Variants in AKR1C2 observed in about 807,000 individuals in gnomAD.
AKR1C2 encodes aldo-keto reductase family 1 member C2.
A neutral mutation model predicts 39.8 loss-of-function variants in AKR1C2; 27 were observed. The observed-to-expected ratio is 0.68, with a 90% CI of 0.50 to 0.93. The LOEUF is 0.93. Ranked by LOEUF, AKR1C2 falls within the 40% of genes least tolerant of loss-of-function variation. The probability of loss-of-function intolerance (pLI) is 0.00; values close to 1 mark genes in which losing one functional copy is unlikely to be tolerated. For synonymous variants in AKR1C2, 114 were observed against 137.9 expected, an observed-to-expected ratio of 0.83 and a Z score of 1.22; for missense variants, 263 against 365.1, an observed-to-expected ratio of 0.72 and a Z score of 2.28.
intron 1 of AKR1C2, among the ~76,000 whole-genome samples, chr10:5,014,386 G>A (rs1312026433): frequency 6.6e-6 from 1 of 152,146 alleles, no homozygotes; most frequent in African/African-American, 2.4e-5. Context: ...TTCCAAGTGA[G>A]CCTTCAGGCC....
At chr10:5,006,861 T>G (rs1588308933), upstream of AKR1C2, among the ~76,000 whole-genome samples, 1 of 151,948 alleles carries the variant, frequency 6.6e-6, no homozygotes, top group South Asian at 2.1e-4. Flanking sequence ...TGCAATCTCT[T>G]TCTCCCGGTT....
chr10:5,002,903 G>A (rs185155741), intron 1 of AKR1C2, among the ~76,000 whole-genome samples: 86 of 152,230 alleles, frequency 5.6e-4, no homozygotes, highest in Non-Finnish European at 9.0e-4. Context: ...AACCACTCCT[G>A]TCAATGGTCT....
intron 1 of AKR1C2, among the ~76,000 whole-genome samples, chr10:5,012,203 G>C (rs1564337666): frequency 3.3e-5 from 5 of 151,792 alleles, no homozygotes; most frequent in African/African-American, 1.2e-4. Flanking sequence ...TAGTGATATA[G>C]TACTTTCTAT....
At chr10:5,005,536 A>T (rs782229025), upstream of AKR1C2, among the ~76,000 whole-genome samples, 1 of 144,670 alleles carries the variant, frequency 6.9e-6, no homozygotes, top group South Asian at 2.2e-4. Context: ...AAAAAAAAAT[A>T]GATGGACGTG....
At position 5,001,665 on chromosome 10, in the gene AKR1C2, G is replaced by T. The variant is rs782384377; in HGVS notation, c.101C>A (p.Ala34Asp). The T allele has an allele frequency of 2.9e-5, 46 of 1,613,692 alleles. No individual in the cohort carries two copies. In the South Asian group the frequency reaches 4.4e-4, roughly 15 times the overall value. ...TATTGCCAATTTGACGGCCTCTAGA[G>T]CTTTACTTTTAGGAACCTGGGGGAG... ...YAPAEVPKSK[A>D]LEAVKLAIEA... The change falls in exon 2 of 9, where the codon GCT (alanine) becomes GAT (aspartate). Residue 34 changes from alanine (A) to aspartate (D), a missense_variant. Ala to Asp is a moderately radical substitution (Grantham distance 126). This residue lies in a region of AKR1C2 where 247 missense variants were observed against 267.9 expected (regional missense o/e 0.92). Coordinates refer to ENST00000380753, the MANE Select transcript of AKR1C2 (RefSeq NM_001393392.1).
intron 5 of AKR1C2, among the ~76,000 whole-genome samples, chr10:4,997,004 C>T (rs1434391199): frequency 2.6e-5 from 4 of 151,800 alleles, no homozygotes; most frequent in Admixed American, 6.6e-5. Context: ...GAGAATTATC[C>T]CCCAGCAGAT....
intron 1 of AKR1C2, among the ~76,000 whole-genome samples, chr10:5,017,192 A>G (rs1245790680): frequency 7.2e-5 from 11 of 152,232 alleles, no homozygotes; most frequent in Non-Finnish European, 1.0e-4. Context: ...TTACTCATGC[A>G]AATTTCTGCA....
At position 4,989,688 on chromosome 10, in the gene AKR1C2, C is replaced by T. The variant is rs1332382130; in HGVS notation, c.*308G>A. On this transcript the variant is annotated 3_prime_UTR_variant, in exon 9 of 9. Transcript: ENST00000380753. ...AATGGTTGTTAACATCTTCCAACCC[C>T]GGCCCTAAACGTATAGGCAAATCAC... 11 of 399,754 alleles carry T rather than the reference C, an allele frequency of 2.8e-5. No individual in the cohort carries two copies. Among genetic ancestry groups the T allele is most frequent in the Non-Finnish European group, 4.0e-5 (9 of 222,442 alleles). 24.8% of individuals were successfully genotyped at this position (399,754 alleles called of 1,614,324 possible). A position where few individuals can be genotyped will look rare whatever the true frequency, so the allele number is the denominator to read the frequency against.
At chr10:5,013,957 A>G (rs1299012851) in intron 1 of AKR1C2, among the ~76,000 whole-genome samples, 1 of 152,058 alleles carries the variant, frequency 6.6e-6, no homozygotes, top group Non-Finnish European at 1.5e-5. Flanking sequence ...CTTATACAGT[A>G]TTTGTCCTTT....
chr10:5,002,961 G>A (rs1327706459), intron 1 of AKR1C2, among the ~76,000 whole-genome samples: 1 of 152,172 alleles, frequency 6.6e-6, no homozygotes, highest in Non-Finnish European at 1.5e-5. Flanking sequence ...TGAGAAATGT[G>A]AGACTCAAAT....
intron 1 of AKR1C2, among the ~76,000 whole-genome samples, chr10:5,016,919 C>T (rs1554775399): frequency 6.6e-6 from 1 of 152,230 alleles, no homozygotes; most frequent in East Asian, 1.9e-4. Flanking sequence ...GAAGTCACCA[C>T]ACATTGGGGC....
chr10:5,007,641 C>G (rs1329294066), upstream of AKR1C2: 1 of 150,552 alleles, frequency 6.6e-6, no homozygotes, highest in Admixed American at 6.6e-5. Flanking sequence ...ACATAAATTT[C>G]AGGTCTTTCT....
chr10:4,992,286 A>G (rs1554772335), intron 7 of AKR1C2, among the ~76,000 whole-genome samples: 1 of 152,164 alleles, frequency 6.6e-6, no homozygotes. Flanking sequence ...TTGATGAATA[A>G]CATTGAATAT....
Position 5,001,691 on chromosome 10 carries a change from C to A in AKR1C2, c.85-10G>T, listed in dbSNP as rs375118885. 12 of 1,613,252 alleles carry A rather than the reference C, an allele frequency of 7.4e-6. No homozygotes were observed. Among genetic ancestry groups the A allele is most frequent in the Non-Finnish European group, 9.3e-6 (11 of 1,179,606 alleles). The stretch of plus-strand genomic sequence containing the variant: ...CTTTACTTTTAGGAACCTGGGGGAG[C>A]AACCAAACGTAATATTTTCTGACTA... On this transcript the variant is annotated splice_polypyrimidine_tract_variant and intron_variant, in intron 1 of 8. Transcript: ENST00000380753.
In AKR1C2 at chr10:4,989,711, C is replaced by G; in HGVS notation, c.*285G>C. ...CCCGGCCCTAAACGTATAGGCAAATCACAATTTGGGGGCACTAGTGTGTCA... is the reference window on the plus strand; with the variant it reads ...CCCGGCCCTAAACGTATAGGCAAATGACAATTTGGGGGCACTAGTGTGTCA... On this transcript the variant is annotated 3_prime_UTR_variant, in exon 9 of 9. Transcript: ENST00000380753. The G allele has an allele frequency of 2.0e-6, 1 of 491,422 alleles. No individual in the cohort carries two copies. The highest frequency in any genetic ancestry group is 2.9e-5 in the South Asian group (1 of 34,684). The allele number at this position is 491,422 out of a possible 1,614,324, so 30.4% of individuals were successfully genotyped here. A position where few individuals can be genotyped will look rare whatever the true frequency, so the allele number is the denominator to read the frequency against.
chr10:5,010,746 C>T (rs1431159208), intron 1 of AKR1C2: 12 of 152,154 alleles, frequency 7.9e-5, no homozygotes, highest in African/African-American at 2.9e-4. Flanking sequence ...GCAATCCTAA[C>T]CCCTAAAACC....
At chr10:4,992,530 T>C (rs1226395069) in intron 7 of AKR1C2, among the ~76,000 whole-genome samples, 2 of 151,616 alleles carry the variant, frequency 1.3e-5, no homozygotes, top group Admixed American at 1.3e-4. Context: ...AGAAAGAGAG[T>C]AAAAAATGAC....
chr10:5,003,557 A>G (rs369573573), intron 1 of AKR1C2, among the ~76,000 whole-genome samples, 195 bp downstream of exon 1: 634 of 151,584 alleles, frequency 4.2e-3, no homozygotes, highest in Admixed American at 5.3e-3. Context: ...GCTGTGAAAT[A>G]AACATAAACA....
chr10:5,001,121 T>A (rs1837256189), intron 2 of AKR1C2, among the ~76,000 whole-genome samples: 1 of 152,206 alleles, frequency 6.6e-6, no homozygotes, highest in African/African-American at 2.4e-5. Flanking sequence ...TTATACTCAC[T>A]GAGCTCTCTT....
Sources: gnomAD v4.1 joint callset for allele counts (sites outside exome capture counted in the v4.1 genomes callset) on GRCh38, gnomAD v4.1.1 for gene constraint, gnomAD v4.1.1 regional missense constraint, MANE v1.5 for transcripts, NCBI Gene and HGNC (gene_info 2026-07-23, HGNC 2026-07-21) for gene names.